The following CTBP2 variants were observed in gnomAD, a reference collection of about 807,000 sequenced individuals.
CTBP2 encodes the protein C-terminal-binding protein 2.
In CTBP2, 30 loss-of-function variants were observed where a neutral mutation model predicts 80.3. The ratio of observed to expected loss-of-function variants is 0.37; its 90% CI spans 0.28 to 0.51. The LOEUF is 0.51. Ranked by LOEUF, CTBP2 falls within the 20% of genes least tolerant of loss-of-function variation. CTBP2 has a pLI of 0.93. For synonymous variants in CTBP2, 594 were observed against 587.4 expected, an observed-to-expected ratio of 1.01 and a Z score of -0.16; for missense variants, 1,212 against 1,375.3, an observed-to-expected ratio of 0.88 and a Z score of 1.88.
chr10:125,051,856 C>T lies in CTBP2; in HGVS notation c.-101-12701G>A, dbSNP rs554463352. 3.9e-5 allele frequency among the ~76,000 whole-genome samples: 6 copies of T among 152,110 alleles called. No individual in the cohort carries two copies. The East Asian group carries it at 7.7e-4, about 20-fold the overall frequency. ...CATTAGAGTGGACTCTAATCCAAGA[C>T]GAATATTCTCATAAAAAGGAGGACA... On this transcript the variant is annotated intron_variant, in intron 2 of 10. Transcript: ENST00000337195.
At chr10:125,155,678 T>C (rs1035659788) in intron 1 of CTBP2, among the ~76,000 whole-genome samples, 1 of 146,228 alleles carries the variant, frequency 6.8e-6, no homozygotes, top group East Asian at 1.9e-4. Flanking sequence ...AACCCCAAGA[T>C]AGGATTAAAA....
intron 1 of CTBP2, among the ~76,000 whole-genome samples, chr10:125,013,689 C>CG (rs1565095058): frequency 6.6e-6 from 1 of 152,096 alleles, no homozygotes; most frequent in Non-Finnish European, 1.5e-5. Flanking sequence ...GTAACGGAGG[C>CG]GGGGGGAACT....
chr10:125,128,460 C>G (rs1855620885), intron 1 of CTBP2, among the ~76,000 whole-genome samples: 1 of 152,140 alleles, frequency 6.6e-6, no homozygotes, highest in South Asian at 2.1e-4. Context: ...TCAGAATAGC[C>G]AGGAAAAGCA....
chr10:125,013,557 A>T (rs957436582), intron 1 of CTBP2, among the ~76,000 whole-genome samples: 3 of 152,182 alleles, frequency 2.0e-5, no homozygotes, highest in Admixed American at 1.3e-4. Context: ...AGCTCCTTAT[A>T]CCATATGCTG....
intron 2 of CTBP2, among the ~76,000 whole-genome samples, chr10:125,061,742 A>C (rs1965011574): frequency 6.6e-6 from 1 of 152,136 alleles, no homozygotes; most frequent in Admixed American, 6.5e-5. Context: ...CTGGGTTCTC[A>C]GATGCACCTC....
In CTBP2 at chr10:124,985,722, A is replaced by G. The variant is rs1952017961; in HGVS notation, c.*3796T>C. 6.6e-6 allele frequency: 1 copy of G among 152,542 alleles called. No homozygotes were observed. The highest frequency in any genetic ancestry group is 2.1e-4 in the South Asian group (1 of 4,832). The allele number at this position is 152,542 out of a possible 1,614,324, so 9.4% of individuals were successfully genotyped here. Reference sequence around the variant, plus strand: ...ATTTATTTGTTGGGAAGAATACCTTAAAATGAGGGTTCTTATTCCAGATTC... The same window carrying G: ...ATTTATTTGTTGGGAAGAATACCTTGAAATGAGGGTTCTTATTCCAGATTC... On this transcript the variant is annotated 3_prime_UTR_variant, in exon 9 of 9. Coordinates refer to ENST00000309035, the MANE Select transcript of CTBP2 (RefSeq NM_022802.3).
intron 2 of CTBP2, among the ~76,000 whole-genome samples, chr10:125,084,220 C>T (rs543173561): frequency 4.6e-5 from 7 of 152,158 alleles, no homozygotes; most frequent in South Asian, 2.1e-4. Flanking sequence ...CTCCCAAAGT[C>T]GTGGGATTAC....
At chr10:125,076,811 C>T (rs1489078219) in intron 2 of CTBP2, among the ~76,000 whole-genome samples, 14 of 152,316 alleles carry the variant, frequency 9.2e-5, no homozygotes, top group Admixed American at 7.8e-4. Context: ...GCACTGTCTA[C>T]GTATTTCCCT....
intron 2 of CTBP2, among the ~76,000 whole-genome samples, chr10:125,082,154 G>A (rs572589461): frequency 5.9e-5 from 9 of 152,348 alleles, no homozygotes; most frequent in Admixed American, 2.0e-4. Flanking sequence ...GGCTGGCCAC[G>A]CCGGAGCTGG....
intron 1 of CTBP2, among the ~76,000 whole-genome samples, chr10:125,008,789 T>A (rs1044244614): frequency 2.0e-5 from 3 of 152,252 alleles, no homozygotes; most frequent in Non-Finnish European, 1.5e-5. Context: ...TTCTTAAATA[T>A]TTGCTAGCCG....
At chr10:125,025,023 C>A (rs1957398605) in intron 1 of CTBP2, among the ~76,000 whole-genome samples, 1 of 152,116 alleles carries the variant, frequency 6.6e-6, no homozygotes, top group South Asian at 2.1e-4. Context: ...GGCAGAGAAA[C>A]TTAAGGTGGT....
intron 1 of CTBP2, among the ~76,000 whole-genome samples, chr10:125,128,688 T>TA (rs1388970393): frequency 6.6e-6 from 1 of 152,210 alleles, no homozygotes; most frequent in Non-Finnish European, 1.5e-5. Flanking sequence ...TAGGGTGGTT[T>TA]AAAAAATAGC....
At chr10:125,096,347 T>C (rs1169966783) in intron 2 of CTBP2, among the ~76,000 whole-genome samples, 4 of 152,084 alleles carry the variant, frequency 2.6e-5, no homozygotes, top group East Asian at 1.9e-4. Flanking sequence ...CTCCAAGTTA[T>C]GAAAAGTGAA....
intron 1 of CTBP2, among the ~76,000 whole-genome samples, chr10:125,023,010 A>G (rs1327467299): frequency 5.3e-5 from 8 of 152,226 alleles, no homozygotes; most frequent in Non-Finnish European, 1.2e-4. Context: ...TCACACCTCC[A>G]GTTGCTGGAA....
chr10:125,038,793 G>A (rs373382930), intron 3 of CTBP2, among the ~76,000 whole-genome samples: 13 of 152,246 alleles, frequency 8.5e-5, no homozygotes, highest in Admixed American at 5.2e-4. Context: ...CCCCAACCCC[G>A]CCCCAGAAGC....
intron 1 of CTBP2, among the ~76,000 whole-genome samples, chr10:125,132,414 C>A (rs17152670): frequency 6.6e-6 from 1 of 151,986 alleles, no homozygotes; most frequent in African/African-American, 2.4e-5. Context: ...AGTCTTCCAA[C>A]AGCCTTGTCA....
At chr10:125,004,331 A>C (rs1954949498) in intron 1 of CTBP2, among the ~76,000 whole-genome samples, 1 of 152,076 alleles carries the variant, frequency 6.6e-6, no homozygotes, top group Non-Finnish European at 1.5e-5. Context: ...CAGGGCAGAC[A>C]CCCTGCGGGG....
At chr10:125,074,329 A>G (rs754425151) in intron 2 of CTBP2, among the ~76,000 whole-genome samples, 1 of 152,132 alleles carries the variant, frequency 6.6e-6, no homozygotes, top group Non-Finnish European at 1.5e-5. Context: ...GCTGGGATGC[A>G]CCCTCTGCAG....
At chr10:125,060,544 G>T (rs900508457) in intron 2 of CTBP2, among the ~76,000 whole-genome samples, 1 of 151,984 alleles carries the variant, frequency 6.6e-6, no homozygotes, top group East Asian at 1.9e-4. Flanking sequence ...CACTGGTTCT[G>T]AGCAAGTGAA....
Sources: allele counts gnomAD v4.1 joint callset (sites outside exome capture counted in the v4.1 genomes callset), GRCh38; gene constraint gnomAD v4.1.1; transcripts MANE v1.5; gene names NCBI Gene and HGNC (gene_info 2026-07-23, HGNC 2026-07-21).